Variants in RASGEF1B observed in about 807,000 individuals in gnomAD.
RASGEF1B encodes the protein RasGEF domain family member 1B.
A neutral mutation model predicts 65.7 loss-of-function variants in RASGEF1B; 30 were observed. The ratio of observed to expected loss-of-function variants is 0.46; its 90% CI spans 0.34 to 0.62. The LOEUF (loss-of-function observed/expected upper bound fraction) is 0.62. Among genes scored for constraint, RASGEF1B ranks in the 20% least tolerant of loss-of-function variants. The pLI is 0.01. For synonymous variants in RASGEF1B, 175 were observed against 194.8 expected, an observed-to-expected ratio of 0.90 and a Z score of 0.85; for missense variants, 495 against 580.1, an observed-to-expected ratio of 0.85 and a Z score of 1.51.
Position 81,427,010 on chromosome 4 carries a change from A to AT in RASGEF1B, c.*757_*758insA. 7.5e-6 allele frequency: 1 copy of AT among 133,304 alleles called. No homozygotes were observed. Among genetic ancestry groups the AT allele is most frequent in the Admixed American group, 7.3e-5 (1 of 13,614 alleles). 8.3% of individuals were successfully genotyped at this position (133,304 alleles called of 1,614,324 possible). ...AAAAAAAAAAAAAAAAAAAAAAAAA[A>AT]GTCCTTCTAGCATGTTAAGCAGTCC... On this transcript the variant is annotated 3_prime_UTR_variant, in exon 14 of 14. Transcript: ENST00000264400.
intron 10 of RASGEF1B, among the ~76,000 whole-genome samples, chr4:81,439,950 G>A (rs1721778029): frequency 6.6e-6 from 1 of 152,166 alleles, no homozygotes; most frequent in Admixed American, 6.5e-5. Flanking sequence ...ATTAAAGGTG[G>A]GGTTTTGTGT....
chr4:81,469,093 G>A (rs1044420716), intron 1 of RASGEF1B, among the ~76,000 whole-genome samples: 2 of 152,188 alleles, frequency 1.3e-5, no homozygotes, highest in Non-Finnish European at 2.9e-5. Context: ...GTCTGAAAAA[G>A]TGAGGGGGGT....
chr4:81,451,298 A>G (rs1722248749), intron 4 of RASGEF1B: 1 of 152,220 alleles, frequency 6.6e-6, no homozygotes, highest in Admixed American at 6.5e-5. Flanking sequence ...TTTGTGTCCA[A>G]TAGAATAGTT....
intron 4 of RASGEF1B, chr4:81,451,733 C>A (rs896388383): frequency 6.6e-6 from 1 of 152,146 alleles, no homozygotes; most frequent in Non-Finnish European, 1.5e-5. Flanking sequence ...GAGACATGCA[C>A]AAGAAAGTTC....
In RASGEF1B at chr4:81,440,820, CTTT is replaced by C; in HGVS notation, c.1104+11_1104+13del. 1.9e-6 allele frequency: 3 copies of C among 1,540,698 alleles called. No homozygotes were observed. Among genetic ancestry groups the C allele is most frequent in the South Asian group, 1.1e-5 (1 of 87,360 alleles). ...CAACTCTACCATAAGAAAGATACTT[CTTT>C]AAGTGCATACCTTTTCTCTACTACT... On this transcript the variant is annotated intron_variant, in intron 10 of 13. Transcript: ENST00000264400.
intron 10 of RASGEF1B, among the ~76,000 whole-genome samples, chr4:81,435,437 A>G (rs1259674082): frequency 6.8e-6 from 1 of 147,680 alleles, no homozygotes; most frequent in Admixed American, 6.7e-5. Flanking sequence ...AAAAAAAAAA[A>G]AGAATACCTA....
At position 81,459,577 on chromosome 4, in the gene RASGEF1B, A is replaced by G; in HGVS notation, c.-6-63T>C. ...AATATGCAGTATGAAAATAAAGGTAAGCTTTAATAGGCACTAAGATTTAAT... is the reference window on the plus strand; with the variant it reads ...AATATGCAGTATGAAAATAAAGGTAGGCTTTAATAGGCACTAAGATTTAAT... On this transcript the variant is annotated intron_variant, in intron 1 of 13. Coordinates refer to ENST00000264400, the MANE Select transcript of RASGEF1B (RefSeq NM_152545.3). 2.5e-6 allele frequency: 3 copies of G among 1,213,366 alleles called. No individual in the cohort carries two copies. In the South Asian group the frequency reaches 4.8e-5, roughly 19 times the overall value. The allele number at this position is 1,213,366 out of a possible 1,614,324, so 75.2% of individuals were successfully genotyped here.
intron 12 of RASGEF1B, 68 bp from the exon 13 acceptor site, chr4:81,432,439 C>A: frequency 1.0e-6 from 1 of 962,368 alleles, no homozygotes; most frequent in Non-Finnish European, 1.7e-6. Context: ...TACCACCACC[C>A]TTGTTCGACT....
In RASGEF1B at chr4:81,466,620, G is replaced by A. The variant is rs185089630; in HGVS notation, c.-7+5150C>T. ...TAAAAACACAAAAAATTAGCTGGGC[G>A]TGGTGGCGGGTGCCTGTAGTCCCAG... On this transcript the variant is annotated intron_variant, in intron 1 of 13. Coordinates refer to ENST00000264400, the MANE Select transcript of RASGEF1B (RefSeq NM_152545.3). Among the ~76,000 whole-genome samples, 680 of 151,716 alleles carry A rather than the reference G, an allele frequency of 4.5e-3. 8 individuals carry two copies. The highest frequency in any genetic ancestry group is 0.016 in the African/African-American group (646 of 41,348).
At chr4:81,467,618 T>A (rs916685595) in intron 1 of RASGEF1B, among the ~76,000 whole-genome samples, 1 of 152,194 alleles carries the variant, frequency 6.6e-6, no homozygotes, top group African/African-American at 2.4e-5. Flanking sequence ...GTTGGCACTT[T>A]GTAGCAGTAA....
chr4:81,466,770 A>AAAGAAGAAAGAAAGAAAGAAAG, intron 1 of RASGEF1B, among the ~76,000 whole-genome samples: 1 of 36,096 alleles, frequency 2.8e-5, no homozygotes, highest in South Asian at 1.1e-3. Flanking sequence ...AAAAAAAAAA[A>AAAGAAGAAAGAAAGAAAGAAAG]AAAGAAAGAA....
intron 13 of RASGEF1B, among the ~76,000 whole-genome samples, chr4:81,432,044 A>T (rs561825127): frequency 6.6e-6 from 1 of 152,364 alleles, no homozygotes; most frequent in African/African-American, 2.4e-5. Context: ...ACTATGGCTC[A>T]GTTCCTCATT....
chr4:81,455,353 G>C (rs1309923206), intron 4 of RASGEF1B: 4 of 152,176 alleles, frequency 2.6e-5, no homozygotes, highest in African/African-American at 9.7e-5. Context: ...TGGGAGGATT[G>C]ATTAAGCCAG....
intron 10 of RASGEF1B, among the ~76,000 whole-genome samples, chr4:81,437,142 T>C (rs545269163): frequency 1.3e-5 from 2 of 152,360 alleles, no homozygotes; most frequent in South Asian, 4.1e-4. Flanking sequence ...CGCTTCAGAA[T>C]TTCCTGGTGC....
rs565697146 is a variant in RASGEF1B at position 81,434,331 on chromosome 4, G to A, written c.1200+308C>T. 2.6e-5 allele frequency among the ~76,000 whole-genome samples: 4 copies of A among 152,250 alleles called. No homozygotes were observed. In the East Asian group the frequency reaches 5.8e-4, roughly 22 times the overall value. ...CTCCTAACGCACTGGTATTACAGGC[G>A]TGAGCTACTGCAGCTACTTTCTGGT... On this transcript the variant is annotated intron_variant, in intron 11 of 13. Transcript: ENST00000264400.
rs1352078769 is a variant in RASGEF1B, at chr4:81,447,353, C to T, written c.729+151G>A. On this transcript the variant is annotated intron_variant, in intron 6 of 13. Transcript: ENST00000264400. ...TGGAGACCTCGCTCAAGAAAACTGCCATGAATCAGACGTGGCTGATGGAAA... is the reference window on the plus strand; with the variant it reads ...TGGAGACCTCGCTCAAGAAAACTGCTATGAATCAGACGTGGCTGATGGAAA... The T allele has an allele frequency of 6.9e-6, 4 of 582,024 alleles. No individual in the cohort carries two copies. In the Admixed American group the frequency reaches 9.5e-5, roughly 14 times the overall value. 36.1% of individuals were successfully genotyped at this position (582,024 alleles called of 1,614,324 possible). A position where few individuals can be genotyped will look rare whatever the true frequency, so the allele number is the denominator to read the frequency against.
chr4:81,439,329 T>C (rs1721756927), intron 10 of RASGEF1B, among the ~76,000 whole-genome samples: 3 of 152,224 alleles, frequency 2.0e-5, no homozygotes, highest in Non-Finnish European at 2.9e-5. Context: ...GAGTACAATT[T>C]ATATGTTCAC....
chr4:81,446,877 A>C (rs1457743378), intron 6 of RASGEF1B, among the ~76,000 whole-genome samples: 1 of 152,138 alleles, frequency 6.6e-6, no homozygotes, highest in African/African-American at 2.4e-5. Flanking sequence ...TGTTGCCCCC[A>C]CTCTCAGAAG....
At position 81,459,493 on chromosome 4, in the gene RASGEF1B, G is replaced by A. The variant is rs1333137721; in HGVS notation, c.16C>T (p.Pro6Ser). 5.0e-6 allele frequency: 8 copies of A among 1,596,560 alleles called. No homozygotes were observed. Among genetic ancestry groups the A allele is most frequent in the Non-Finnish European group, 6.0e-6 (7 of 1,174,290 alleles). ...CTGCTGTCAAACATTGCTGAAAAGG[G>A]AGGAGTCTGAGGCATACTTTCCTAA... is the stretch of plus-strand genomic sequence containing the variant. The part of the protein sequence containing the change: MPQTP[P>S]FSAMFDSSGY... Residue 6 changes from proline to serine, a missense_variant, in exon 2 of 14, where the codon CCC (proline) becomes TCC (serine). Pro to Ser is a moderately conservative substitution (Grantham distance 74, BLOSUM62 -1). Coordinates refer to ENST00000264400, the MANE Select transcript of RASGEF1B (RefSeq NM_152545.3).
Sources: gnomAD v4.1 joint callset for allele counts (sites outside exome capture counted in the v4.1 genomes callset) on GRCh38, gnomAD v4.1.1 for gene constraint, MANE v1.5 for transcripts, NCBI Gene and HGNC (gene_info 2026-07-23, HGNC 2026-07-21) for gene names.